Variants in RTTN observed in about 807,000 individuals in gnomAD.
RTTN encodes rotatin.
In RTTN, 182 loss-of-function variants were observed where a neutral mutation model predicts 269.2. The ratio of observed to expected loss-of-function variants is 0.68; its 90% CI spans 0.60 to 0.76. The LOEUF (loss-of-function observed/expected upper bound fraction) is 0.76. Ranked by LOEUF, RTTN falls within the 30% of genes least tolerant of loss-of-function variation. RTTN has a pLI of 0.00. For synonymous variants in RTTN, 1,006 were observed against 963.5 expected, an observed-to-expected ratio of 1.04 and a Z score of -0.82; for missense variants, 2,545 against 2,608.6, an observed-to-expected ratio of 0.98 and a Z score of 0.53.
At chr18:70,106,696 GA>G (rs528432150) in intron 28 of RTTN, among the ~76,000 whole-genome samples, 2 of 148,748 alleles carry the variant, frequency 1.3e-5, no homozygotes, top group African/African-American at 2.5e-5. Context: ...TTATGCTCTT[GA>G]AAAAAAAAGA....
rs374966002 is a variant in RTTN at position 70,042,917 on chromosome 18, C to T, written c.5541+5054G>A. Among the ~76,000 whole-genome samples, 15 of 152,238 alleles carry T rather than the reference C, an allele frequency of 9.9e-5. No individual in the cohort carries two copies. The East Asian group carries it at 2.1e-3, about 22-fold the overall frequency. On this transcript the variant is annotated intron_variant, in intron 40 of 48. Transcript: ENST00000640769. Reference sequence around the variant, plus strand: ...GAAGAGCATTAACCAGGAGAGAAGGCCACAGGAGATGGGAGACAGCATGCA... The same window carrying T: ...GAAGAGCATTAACCAGGAGAGAAGGTCACAGGAGATGGGAGACAGCATGCA...
chr18:70,037,681 G>A (rs547570432), intron 40 of RTTN, among the ~76,000 whole-genome samples: 5 of 152,242 alleles, frequency 3.3e-5, no homozygotes, highest in East Asian at 1.9e-4. Flanking sequence ...CAGCACATTC[G>A]CAGCTGTGGT....
intron 17 of RTTN, among the ~76,000 whole-genome samples, chr18:70,146,861 T>C (rs1327555977): frequency 1.3e-5 from 2 of 152,226 alleles, no homozygotes; most frequent in African/African-American, 4.8e-5. Flanking sequence ...TATTGTTAAC[T>C]GATATCATCT....
At chr18:70,201,616 A>G (rs546488185) in intron 4 of RTTN, among the ~76,000 whole-genome samples, 247 of 148,780 alleles carry the variant, frequency 1.7e-3, no homozygotes, top group African/African-American at 5.8e-3. Context: ...TCAAAAAAAA[A>G]AAAAAAAAAA....
chr18:70,196,581 G>A lies in RTTN; in HGVS notation c.761C>T (p.Ser254Phe). The A allele has an allele frequency of 1.2e-6, 2 of 1,604,810 alleles. No individual in the cohort carries two copies. Among genetic ancestry groups the A allele is most frequent in the Non-Finnish European group, 1.7e-6 (2 of 1,177,408 alleles). Residue 254 changes from serine (S) to phenylalanine (F), a missense_variant, in exon 7 of 49, where the codon TCC becomes TTC. Physicochemically the swap from Ser to Phe is radical, Grantham distance 155. Transcript: ENST00000640769. ...ATACATGCACAGCTGCTGCAGGCAG[G>A]ACACCGACTGTAATGCCAGGCGATG... ...GKHRLALQSV[S>F]CLQQLCMYLR...
At chr18:70,095,459 G>C (rs1319051899) in intron 28 of RTTN, among the ~76,000 whole-genome samples, 1 of 152,106 alleles carries the variant, frequency 6.6e-6, no homozygotes, top group African/African-American at 2.4e-5. Flanking sequence ...TCCATATTTA[G>C]TGCTTTCTTC....
At chr18:70,013,610 T>G (rs1236871746) in intron 46 of RTTN, among the ~76,000 whole-genome samples, 1 of 152,176 alleles carries the variant, frequency 6.6e-6, no homozygotes, top group Non-Finnish European at 1.5e-5. Context: ...AGTAGTAAAA[T>G]GTAAATAATG....
intron 32 of RTTN, among the ~76,000 whole-genome samples, chr18:70,078,569 A>G (rs2058484470): frequency 1.3e-5 from 2 of 151,940 alleles, no homozygotes; most frequent in Non-Finnish European, 2.9e-5. Context: ...ATATTTTTAT[A>G]TATACATATA....
intron 41 of RTTN, among the ~76,000 whole-genome samples, chr18:70,030,321 A>C (rs2056976160): frequency 6.6e-6 from 1 of 152,234 alleles, no homozygotes; most frequent in Admixed American, 6.5e-5. Context: ...TTAGTAAGAT[A>C]CTACCCAAAT....
chr18:70,155,014 G>T (rs183231084), intron 14 of RTTN, among the ~76,000 whole-genome samples: 13 of 152,254 alleles, frequency 8.5e-5, no homozygotes, highest in African/African-American at 3.1e-4. Context: ...GGAGGCTCCT[G>T]CAACTTCCTG....
At chr18:70,091,418 A>AT (rs1336416050) in intron 30 of RTTN, 1 of 152,024 alleles carries the variant, frequency 6.6e-6, no homozygotes, top group East Asian at 1.9e-4. Flanking sequence ...TAACATTATA[A>AT]TAAAAAAAAA....
intron 14 of RTTN, among the ~76,000 whole-genome samples, chr18:70,162,657 A>T (rs895057791): frequency 6.6e-6 from 1 of 152,050 alleles, no homozygotes; most frequent in Non-Finnish European, 1.5e-5. Context: ...ACCTCCTCCC[A>T]CTGGGTCCCT....
rs1478746083 is a variant in RTTN, at chr18:70,092,147, G to A, written c.4106C>T (p.Ala1369Val). The A allele has an allele frequency of 1.2e-6, 2 of 1,613,326 alleles. No homozygotes were observed. Among genetic ancestry groups the A allele is most frequent in the Admixed American group, 3.3e-5 (2 of 59,966 alleles). ...EEHIPTQQGL[A>V]WLIPLWVDRD... ...ATCAACCCATAATGGAATCAACCAA[G>A]CCAATCCTTGTTGAGTAGGAATATG... The change falls in exon 30 of 49, where the codon GCT becomes GTT. Residue 1369 changes from alanine to valine, a missense_variant. By Grantham distance (64) the Ala-to-Val change is moderately conservative (BLOSUM62 0). Transcript: ENST00000640769.
chr18:70,129,833 G>C (rs1213223836), intron 23 of RTTN: 2 of 151,904 alleles, frequency 1.3e-5, no homozygotes, highest in African/African-American at 4.8e-5. Context: ...ACAAAGTGAA[G>C]AGACCACCTA....
chr18:70,164,043 G>A (rs151114972), intron 14 of RTTN, among the ~76,000 whole-genome samples: 50 of 152,258 alleles, frequency 3.3e-4, no homozygotes, highest in African/African-American at 1.2e-3. Context: ...AAAGTAGAAA[G>A]GTGGCTGTCA....
chr18:70,122,530 A>C (rs2059765677), intron 25 of RTTN, among the ~76,000 whole-genome samples: 1 of 152,126 alleles, frequency 6.6e-6, no homozygotes. Context: ...GTTTCTGTCA[A>C]ACTTCATAAC....
At chr18:70,103,734 A>T (rs1416364159) in intron 28 of RTTN, among the ~76,000 whole-genome samples, 3 of 149,684 alleles carry the variant, frequency 2.0e-5, no homozygotes, top group African/African-American at 7.4e-5. Flanking sequence ...CTCTCCGAGA[A>T]ACACCCAAGA....
chr18:70,135,228 T>C lies in RTTN; in HGVS notation c.2841A>G (p.Leu947=), dbSNP rs777179754. ...CTTCATCAAATAATAGAAGACAAAA[T>C]AGTGCTCCAACTTCAGTCACGACAC... The part of the protein sequence containing the change: ...DCSVVTEVGA[L]FCLLLFDEVS... Residue 947 remains leucine, a synonymous_variant, in exon 22 of 49, where the codon CTA becomes CTG. Transcript: ENST00000640769. The C allele has an allele frequency of 2.6e-6, 4 of 1,542,586 alleles. No homozygotes were observed. The highest frequency in any genetic ancestry group is 2.5e-5 in the East Asian group (1 of 40,184).
chr18:70,013,181 C>T (rs1490736203), intron 46 of RTTN, among the ~76,000 whole-genome samples: 1 of 152,176 alleles, frequency 6.6e-6, no homozygotes, highest in African/African-American at 2.4e-5. Flanking sequence ...GCTGCAAGTG[C>T]TACTCATTAG....
Sources: gnomAD v4.1 joint callset for allele counts (sites outside exome capture counted in the v4.1 genomes callset) on GRCh38, gnomAD v4.1.1 for gene constraint, MANE v1.5 for transcripts, NCBI Gene and HGNC (gene_info 2026-07-23, HGNC 2026-07-21) for gene names.